The following ALMS1 variants were observed in gnomAD, a reference collection of about 807,000 sequenced individuals.
ALMS1 encodes the protein centrosome-associated protein ALMS1.
In ALMS1, 271 loss-of-function variants were observed where a neutral mutation model predicts 352.2. That is an observed-to-expected ratio of 0.77 (90% confidence interval 0.70 to 0.85). The LOEUF (loss-of-function observed/expected upper bound fraction) is 0.85, where lower values mean the gene tolerates loss of function less well. ALMS1 is among the 40% of genes least tolerant of loss of function. The probability of loss-of-function intolerance (pLI) is 0.00; values close to 1 mark genes in which losing one functional copy is unlikely to be tolerated. For missense variants in ALMS1, 5,445 were observed against 4,870.7 expected (o/e 1.12, Z -3.51); for synonymous variants, 1,865 against 1,761.2 (o/e 1.06, Z -1.48).
intron 10 of ALMS1, among the ~76,000 whole-genome samples, chr2:73,516,490 T>C (rs530799295): frequency 1.1e-4 from 16 of 152,238 alleles, no homozygotes; most frequent in African/African-American, 2.4e-5. Flanking sequence ...AAAACACATA[T>C]AATCAATATC....
intron 16 of ALMS1, among the ~76,000 whole-genome samples, chr2:73,598,892 C>A (rs1675609817): frequency 6.6e-6 from 1 of 152,128 alleles, no homozygotes; most frequent in South Asian, 2.1e-4. Flanking sequence ...ATTTAAAAGG[C>A]CTTTGGGACT....
intron 9 of ALMS1, among the ~76,000 whole-genome samples, chr2:73,471,387 G>A (rs1672464618): frequency 6.7e-6 from 1 of 149,388 alleles, no homozygotes; most frequent in South Asian, 2.1e-4. Flanking sequence ...AAACAGTTAA[G>A]AGACTGAACT....
At chr2:73,553,468 A>G (rs1404464260) in intron 13 of ALMS1, among the ~76,000 whole-genome samples, 4 of 152,192 alleles carry the variant, frequency 2.6e-5, no homozygotes, top group East Asian at 1.9e-4. Flanking sequence ...GTGATTGACT[A>G]TACTTAGAGG....
intron 10 of ALMS1, among the ~76,000 whole-genome samples, chr2:73,495,817 TTC>T (rs1241791448): frequency 6.6e-6 from 1 of 152,216 alleles, no homozygotes; most frequent in African/African-American, 2.4e-5. Context: ...TATTTGTAAC[TTC>T]TGTCTCTAAT....
chr2:73,535,053 G>A (rs1221322637), intron 12 of ALMS1, 104 bp downstream of exon 12: 12 of 1,444,578 alleles, frequency 8.3e-6, no homozygotes, highest in Non-Finnish European at 1.2e-5. Flanking sequence ...TAATTTTTCA[G>A]TGAAATATGG....
Position 73,519,991 on chromosome 2 carries a change from G to C in ALMS1, c.9756G>C (p.Gln3252His). Residue 3252 changes from glutamine to histidine, a missense_variant, in exon 11 of 23, where the codon CAG becomes CAC. Coordinates refer to ENST00000613296, the MANE Select transcript of ALMS1 (RefSeq NM_001378454.1). Reference protein sequence around the residue: ...VKFASSSSVQQVTFSRGTDGQ... With the variant: ...VKFASSSSVQHVTFSRGTDGQ... Reference sequence around the variant, plus strand: ...TTGCCTCATCATCTTCAGTCCAACAGGTTACTTTTTCTCGCGGCACAGATG... The same window carrying C: ...TTGCCTCATCATCTTCAGTCCAACACGTTACTTTTTCTCGCGGCACAGATG... 2 of 1,614,100 alleles carry C rather than the reference G, an allele frequency of 1.2e-6. No homozygotes were observed. The highest frequency in any genetic ancestry group is 1.7e-6 in the Non-Finnish European group (2 of 1,179,968).
At chr2:73,422,746 C>A in intron 3 of ALMS1, 111 bp from the exon 4 acceptor site, 1 of 873,236 alleles carries the variant, frequency 1.1e-6, no homozygotes, top group Non-Finnish European at 1.9e-6. Flanking sequence ...TATTCTAATG[C>A]TTGTAGAATT....
rs1279662270 is a variant in ALMS1 at position 73,452,383 on chromosome 2, A to G, written c.5856A>G (p.Gln1952=). The G allele has an allele frequency of 6.2e-7, 1 of 1,613,792 alleles. No homozygotes were observed. ...GAGAGAAGCCCAGTGTTATCTCTCA[A>G]CAGGAGTTGCCAGACAGTCATCTCA... ...SRREKPSVIS[Q]QELPDSHLTE... is the part of the protein sequence containing the mutation. The change falls in exon 8 of 23, where the codon CAA becomes CAG. Residue 1952 remains glutamine, a synonymous_variant. Coordinates refer to ENST00000613296, the MANE Select transcript of ALMS1 (RefSeq NM_001378454.1).
At chr2:73,508,567 A>G (rs1041049063) in intron 10 of ALMS1, among the ~76,000 whole-genome samples, 10 of 152,098 alleles carry the variant, frequency 6.6e-5, no homozygotes, top group African/African-American at 2.4e-4. Context: ...ACTGTTTGTT[A>G]TGATTTTCAT....
chr2:73,506,569 C>T (rs1046924985), intron 10 of ALMS1, among the ~76,000 whole-genome samples: 1 of 152,050 alleles, frequency 6.6e-6, no homozygotes, highest in Non-Finnish European at 1.5e-5. Context: ...GGAGTTTGCT[C>T]GTGATTTGGC....
rs757327705 is a variant in ALMS1 at position 73,572,620 on chromosome 2, A to C, written c.10743A>C (p.Gln3581His). ...ATAATGGACAAATTAGTGATCCACA[A>C]AGGGATCAGAAGGTCACCCCAGAGC... ...PKHNGQISDP[Q>H]RDQKVTPEQT... The change falls in exon 16 of 23, where the codon CAA (glutamine) becomes CAC (histidine). Residue 3581 changes from glutamine to histidine, a missense_variant. Transcript: ENST00000613296. 3.7e-6 allele frequency: 6 copies of C among 1,614,026 alleles called. No individual in the cohort carries two copies. The highest frequency in any genetic ancestry group is 5.1e-6 in the Non-Finnish European group (6 of 1,179,992).
intron 9 of ALMS1, among the ~76,000 whole-genome samples, chr2:73,478,888 G>A (rs947973871): frequency 6.6e-6 from 1 of 151,864 alleles, no homozygotes; most frequent in East Asian, 1.9e-4. Flanking sequence ...CCCTCCCTGT[G>A]TCCATGTGTT....
At chr2:73,557,177 ATTATC>A in intron 13 of ALMS1, 38 bp from the exon 14 acceptor site, 1 of 1,613,266 alleles carries the variant, frequency 6.2e-7, no homozygotes, top group African/African-American at 1.3e-5. Flanking sequence ...TGTTGTGTTT[ATTATC>A]TTTCCTTTTC....
intron 9 of ALMS1, among the ~76,000 whole-genome samples, chr2:73,460,186 G>A (rs770033363): frequency 6.6e-6 from 1 of 151,986 alleles, no homozygotes; most frequent in African/African-American, 2.4e-5. Context: ...GCAACAGATT[G>A]AATTTCTTTC....
At chr2:73,479,758 G>A (rs1246095) in intron 9 of ALMS1, among the ~76,000 whole-genome samples, 146,143 of 152,272 alleles carry the variant, frequency 0.96, 70,180 homozygotes, top group East Asian at 1. Context: ...GCTGGGTCAT[G>A]TGGTAGTTGC....
Position 73,572,830 on chromosome 2 carries a change from T to A in ALMS1, c.10953T>A (p.His3651Gln). Reference sequence around the variant, plus strand: ...CTCTCCAGGTCTCAGAAAGTACACATGATGATAGCAGAGGGGAACGAAGTG... The same window carrying A: ...CTCTCCAGGTCTCAGAAAGTACACAAGATGATAGCAGAGGGGAACGAAGTG... ...THSLQVSEST[H>Q]DDSRGERSVK... is the part of the protein sequence containing the mutation. Residue 3651 changes from histidine to glutamine, a missense_variant, in exon 16 of 23, where the codon CAT becomes CAA. Coordinates refer to ENST00000613296, the MANE Select transcript of ALMS1 (RefSeq NM_001378454.1). 1 of 1,613,890 alleles carries A rather than the reference T, an allele frequency of 6.2e-7. No homozygotes were observed. The highest frequency in any genetic ancestry group is 1.1e-5 in the South Asian group (1 of 91,072).
chr2:73,595,300 G>A (rs1455531320), intron 16 of ALMS1, among the ~76,000 whole-genome samples: 3 of 152,130 alleles, frequency 2.0e-5, no homozygotes, highest in Non-Finnish European at 4.4e-5. Context: ...TTACCAAAAG[G>A]TGCCCTTGTA....
chr2:73,449,555 A>C lies in ALMS1; in HGVS notation c.3028A>C (p.Ser1010Arg). ...TTCCTTCTCACATAGAGAGAAGCCCAGTATTTTCTATCAACAGGAGTGGCC... is the reference window on the plus strand; with the variant it reads ...TTCCTTCTCACATAGAGAGAAGCCCCGTATTTTCTATCAACAGGAGTGGCC... ...SGSFSHREKP[S>R]IFYQQEWPDS... is the part of the protein sequence containing the mutation. The change falls in exon 8 of 23, where the codon AGT becomes CGT. Residue 1010 changes from serine (S) to arginine (R), a missense_variant. Transcript: ENST00000613296. 1 of 1,614,084 alleles carries C rather than the reference A, an allele frequency of 6.2e-7. No homozygotes were observed. The highest frequency in any genetic ancestry group is 8.5e-7 in the Non-Finnish European group (1 of 1,179,976).
chr2:73,534,969 C>T lies in ALMS1; in HGVS notation c.9907+20C>T, dbSNP rs74730457. Reference sequence around the variant, plus strand: ...ATTCAGGTATTATGCAGAAATTATTCGAAGTTTTATTGTTTGATATTTTAT... The same window carrying T: ...ATTCAGGTATTATGCAGAAATTATTTGAAGTTTTATTGTTTGATATTTTAT... On this transcript the variant is annotated intron_variant, in intron 12 of 22. Coordinates refer to ENST00000613296, the MANE Select transcript of ALMS1 (RefSeq NM_001378454.1). 6,239 of 1,613,128 alleles carry T rather than the reference C, an allele frequency of 3.9e-3. 180 individuals are homozygous for T. In the African/African-American group the frequency reaches 0.065, roughly 17 times the overall value.
Sources: gnomAD v4.1 joint callset for allele counts (sites outside exome capture counted in the v4.1 genomes callset) on GRCh38, gnomAD v4.1.1 for gene constraint, MANE v1.5 for transcripts, NCBI Gene and HGNC (gene_info 2026-07-23, HGNC 2026-07-21) for gene names.